The following ZBTB11 variants were observed in gnomAD, a reference collection of about 807,000 sequenced individuals.
ZBTB11 encodes zinc finger and BTB domain containing 11.
A neutral mutation model predicts 113.1 loss-of-function variants in ZBTB11; 68 were observed. The ratio of observed to expected loss-of-function variants is 0.60; its 90% CI spans 0.49 to 0.74. The LOEUF is 0.74. ZBTB11 is among the 30% of genes least tolerant of loss of function. The pLI, the probability that ZBTB11 is intolerant of heterozygous loss-of-function variation, is 0.00. For synonymous variants in ZBTB11, 518 were observed against 452.6 expected, an observed-to-expected ratio of 1.14 and a Z score of -1.83; for missense variants, 1,104 against 1,279.4, an observed-to-expected ratio of 0.86 and a Z score of 2.09.
At chr3:101,657,219 G>GGC (rs376227391) in intron 6 of ZBTB11, among the ~76,000 whole-genome samples, 1 of 151,344 alleles carries the variant, frequency 6.6e-6, no homozygotes, top group East Asian at 2.0e-4. Flanking sequence ...CAAAATAACT[G>GGC]GCGGAGCTGG....
Position 101,655,951 on chromosome 3 carries a change from G to A in ZBTB11, c.2191+153C>T, listed in dbSNP as rs1278319124. The A allele has an allele frequency of 3.5e-5, 20 of 573,752 alleles. 1 individual carries two copies. The highest frequency in any genetic ancestry group is 4.4e-5 in the East Asian group (1 of 22,588). 35.5% of individuals were successfully genotyped at this position (573,752 alleles called of 1,614,324 possible). ...CTGGGGATTACAGGCGTGAGCCACC[G>A]CGCCCAGCCTGCACTTTTAATTTAA... On this transcript the variant is annotated intron_variant, in intron 7 of 10. Coordinates refer to ENST00000312938, the MANE Select transcript of ZBTB11 (RefSeq NM_014415.4).
At chr3:101,673,623 C>T (rs1489860451) in intron 1 of ZBTB11, among the ~76,000 whole-genome samples, 1 of 151,926 alleles carries the variant, frequency 6.6e-6, no homozygotes, top group Non-Finnish European at 1.5e-5. Context: ...AAGTGATACT[C>T]CCACCTCAGC....
chr3:101,653,775 TTA>T (rs1351415969), intron 8 of ZBTB11, among the ~76,000 whole-genome samples: 1 of 152,132 alleles, frequency 6.6e-6, no homozygotes, highest in African/African-American at 2.4e-5. Flanking sequence ...AATGAAAAGC[TTA>T]TAGTGACTAG....
chr3:101,658,335 C>T (rs1394213917), intron 6 of ZBTB11, among the ~76,000 whole-genome samples: 19 of 151,406 alleles, frequency 1.3e-4, no homozygotes, highest in Non-Finnish European at 1.5e-5. Context: ...AAGCAATTCT[C>T]CTGCCTCAGC....
intron 8 of ZBTB11, 33 bp from the exon 9 acceptor site, chr3:101,652,971 T>C: frequency 1.9e-6 from 3 of 1,569,944 alleles, no homozygotes; most frequent in East Asian, 2.2e-5. Context: ...AATTGGATAA[T>C]CTTATTCCTT....
intron 2 of ZBTB11, chr3:101,671,614 G>A (rs913983540): frequency 2.3e-4 from 135 of 578,692 alleles, no homozygotes; most frequent in Non-Finnish European, 3.6e-4. Flanking sequence ...GAAATATGAT[G>A]ATGTATGAAA....
At chr3:101,659,117 T>C (rs753259178) in intron 6 of ZBTB11, among the ~76,000 whole-genome samples, 1 of 152,114 alleles carries the variant, frequency 6.6e-6, no homozygotes, top group African/African-American at 2.4e-5. Flanking sequence ...TGCACATCTG[T>C]AGTCCCAGCT....
rs778387759 is a variant in ZBTB11, at chr3:101,652,621, T to C, written c.2519A>G (p.His840Arg). 1 of 1,614,192 alleles carries C rather than the reference T, an allele frequency of 6.2e-7. No individual in the cohort carries two copies. Among genetic ancestry groups the C allele is most frequent in the Non-Finnish European group, 8.5e-7 (1 of 1,180,030 alleles). ...EFYEKALFRR[H>R]VKKATHGKKG... is the part of the protein sequence containing the mutation. ...CTTCCCATGGGTAGCTTTCTTTACA[T>C]GCCTTCTGAACAAAGCTTTTTCATA... The change falls in exon 10 of 11, where the codon CAT (histidine) becomes CGT (arginine). Residue 840 changes from histidine to arginine, a missense_variant. By Grantham distance (29) the His-to-Arg change is conservative. Transcript: ENST00000312938.
chr3:101,649,154 T>A lies in ZBTB11; in HGVS notation c.*2012A>T, dbSNP rs541279121. The A allele has an allele frequency of 7.9e-4, 121 of 152,310 alleles. No individual in the cohort carries two copies. Among genetic ancestry groups the A allele is most frequent in the African/African-American group, 2.6e-3 (109 of 41,568 alleles). 9.4% of individuals were successfully genotyped at this position (152,310 alleles called of 1,614,324 possible). ...ATGGATACAGGATAGGAGGGCGTGG[T>A]GGGCCAAAAGGCAACATTTGGGCAT... On this transcript the variant is annotated 3_prime_UTR_variant, in exon 11 of 11. Coordinates refer to ENST00000312938, the MANE Select transcript of ZBTB11 (RefSeq NM_014415.4).
In ZBTB11 at chr3:101,665,562, G is replaced by A. The variant is rs1936982726; in HGVS notation, c.1025C>T (p.Pro342Leu). The change falls in exon 4 of 11, where the codon CCT becomes CTT. Residue 342 changes from proline to leucine, a missense_variant. By Grantham distance (98) the Pro-to-Leu change is moderately conservative (BLOSUM62 -3). Transcript: ENST00000312938. The part of the protein sequence containing the change: ...DLRVQNGGTA[P>L]PVASSEGTTT... ...GGTTCCCTCACTGCTAGCAACAGGA[G>A]GTGCTGTACCTCCATTCTGTACTCG... 5 of 1,614,208 alleles carry A rather than the reference G, an allele frequency of 3.1e-6. No homozygotes were observed. Among genetic ancestry groups the A allele is most frequent in the Non-Finnish European group, 4.2e-6 (5 of 1,180,040 alleles).
chr3:101,673,256 A>G (rs1206522648), intron 1 of ZBTB11, among the ~76,000 whole-genome samples: 4 of 152,186 alleles, frequency 2.6e-5, no homozygotes, highest in African/African-American at 4.8e-5. Flanking sequence ...TACAAGAGGA[A>G]AATAAAGCCC....
chr3:101,671,387 A>G lies in ZBTB11; in HGVS notation c.547-26T>C, dbSNP rs1274843094. 3.2e-6 allele frequency: 5 copies of G among 1,568,276 alleles called. No homozygotes were observed. In the East Asian group the frequency reaches 6.7e-5, roughly 21 times the overall value. On this transcript the variant is annotated intron_variant, in intron 2 of 10. Coordinates refer to ENST00000312938, the MANE Select transcript of ZBTB11 (RefSeq NM_014415.4). Reference sequence around the variant, plus strand: ...CTGTCAAAATAAGTTTGAGAGCAAGAGTAACATATTACCTGTATTTTTTAC... The same window carrying G: ...CTGTCAAAATAAGTTTGAGAGCAAGGGTAACATATTACCTGTATTTTTTAC...
chr3:101,675,415 C>T (rs571637114), intron 1 of ZBTB11, among the ~76,000 whole-genome samples: 229 of 152,178 alleles, frequency 1.5e-3, no homozygotes, highest in Admixed American at 2.8e-3. Context: ...GTTTATAAAC[C>T]GAAAAGAACT....
chr3:101,662,736 T>C (rs934459591), intron 5 of ZBTB11, among the ~76,000 whole-genome samples: 1 of 152,190 alleles, frequency 6.6e-6, no homozygotes, highest in Non-Finnish European at 1.5e-5. Context: ...GTAGTTTTAT[T>C]TTCTCGCTAG....
At position 101,664,971 on chromosome 3, in the gene ZBTB11, A is replaced by G; in HGVS notation, c.1616T>C (p.Val539Ala). ...QKRKAVPKSA[V>A]QQVAQKLVQR... ...ACCCTTCTTACATCATACCTGTTGAACTGCTGACTTGGGAACGGCTTTCCG... is the reference window on the plus strand; with the variant it reads ...ACCCTTCTTACATCATACCTGTTGAGCTGCTGACTTGGGAACGGCTTTCCG... The change falls in exon 4 of 11, where the codon GTT (valine) becomes GCT (alanine). Residue 539 changes from valine to alanine, a missense_variant. By Grantham distance (64) the Val-to-Ala change is moderately conservative (BLOSUM62 0). Around this residue, in one of 5 missense-constraint regions of ZBTB11, gnomAD observed 535 missense variants for 518.6 expected, o/e 1.03. Coordinates refer to ENST00000312938, the MANE Select transcript of ZBTB11 (RefSeq NM_014415.4). 1 of 1,609,914 alleles carries G rather than the reference A, an allele frequency of 6.2e-7. No homozygotes were observed. The highest frequency in any genetic ancestry group is 8.5e-7 in the Non-Finnish European group (1 of 1,177,310).
chr3:101,672,219 A>G lies in ZBTB11; in HGVS notation c.311-6T>C. 6.3e-7 allele frequency: 1 copy of G among 1,577,306 alleles called. No homozygotes were observed. The highest frequency in any genetic ancestry group is 1.4e-5 in the African/African-American group (1 of 73,392). ...TTTGACTTGCTTCAATATACCTACA[A>G]TGAAAATATTAACAAGTCAAATTTA... On this transcript the variant is annotated splice_polypyrimidine_tract_variant and splice_region_variant and intron_variant, in intron 1 of 10. Transcript: ENST00000312938.
intron 1 of ZBTB11, among the ~76,000 whole-genome samples, chr3:101,674,270 C>T (rs1164127076): frequency 6.6e-6 from 1 of 151,984 alleles, no homozygotes; most frequent in Non-Finnish European, 1.5e-5. Flanking sequence ...GAGCCGAGAT[C>T]GCGCCACTGT....
In ZBTB11 at chr3:101,650,936, G is replaced by A. The variant is rs541248641; in HGVS notation, c.*230C>T. On this transcript the variant is annotated 3_prime_UTR_variant, in exon 11 of 11. Coordinates refer to ENST00000312938, the MANE Select transcript of ZBTB11 (RefSeq NM_014415.4). ...CACTGCCATCAAATATTAGGTTGGT[G>A]CAAAAGCAATTGCACCAACCTAATA... The A allele has an allele frequency of 8.0e-6, 3 of 373,262 alleles. No individual in the cohort carries two copies. Among genetic ancestry groups the A allele is most frequent in the African/African-American group, 6.2e-5 (3 of 48,046 alleles). 23.1% of individuals were successfully genotyped at this position (373,262 alleles called of 1,614,324 possible).
intron 5 of ZBTB11, among the ~76,000 whole-genome samples, chr3:101,662,721 T>G (rs1161338680): frequency 1.3e-5 from 2 of 152,186 alleles, no homozygotes; most frequent in Non-Finnish European, 2.9e-5. Context: ...GTTTTTTTCT[T>G]TTTAGTAGTT....
Sources: allele counts gnomAD v4.1 joint callset (sites outside exome capture counted in the v4.1 genomes callset), GRCh38; gene constraint gnomAD v4.1.1; regional missense constraint gnomAD v4.1.1; transcripts MANE v1.5; gene names NCBI Gene and HGNC (gene_info 2026-07-23, HGNC 2026-07-21).